SYTL3: variants seen among roughly 807,000 people sequenced by gnomAD.
SYTL3 encodes the protein synaptotagmin-like protein 3.
In SYTL3, 88 loss-of-function variants were observed where a neutral mutation model predicts 82.1. The observed-to-expected ratio is 1.07, with a 90% CI of 0.90 to 1.28. The LOEUF (loss-of-function observed/expected upper bound fraction) is 1.28, where lower values mean the gene tolerates loss of function less well. Ranked by LOEUF, SYTL3 falls within the 50% of genes most tolerant of loss-of-function variation. SYTL3 has a pLI of 0.00. For synonymous variants in SYTL3, 311 were observed against 289.4 expected (o/e 1.07, Z -0.76); for missense variants, 831 against 757.6 (o/e 1.10, Z -1.14).
intron 9 of SYTL3, 58 bp from the exon 10 acceptor site, chr6:158,718,029 C>T (rs1338139697): frequency 1.4e-6 from 2 of 1,442,580 alleles, no homozygotes; most frequent in Non-Finnish European, 1.8e-6. Flanking sequence ...AAGAGGCTCC[C>T]ACAAGTCTCA....
At chr6:158,710,018 G>C (rs1228703230) in intron 8 of SYTL3, among the ~76,000 whole-genome samples, 1 of 152,196 alleles carries the variant, frequency 6.6e-6, no homozygotes, top group Non-Finnish European at 1.5e-5. Context: ...CTGGGCAACA[G>C]AGCGCGACTG....
intron 6 of SYTL3, among the ~76,000 whole-genome samples, chr6:158,704,033 G>T (rs1390243029): frequency 6.6e-6 from 1 of 151,566 alleles, no homozygotes; most frequent in Non-Finnish European, 1.5e-5. Context: ...CATCATGTTG[G>T]CCAGGCTAGT....
chr6:158,712,474 C>A (rs1331333279), intron 8 of SYTL3, among the ~76,000 whole-genome samples: 1 of 152,166 alleles, frequency 6.6e-6, no homozygotes, highest in African/African-American at 2.4e-5. Flanking sequence ...TACCCATAGG[C>A]TCTCCTTAAG....
chr6:158,734,663 C>T lies in SYTL3; in HGVS notation c.855+9026C>T, dbSNP rs1031771598. Reference sequence around the variant, plus strand: ...CCCTGCCCCACTCCCCCCACCTGCTCTATGTTAATCCATGTCCTCACCACC... The same window carrying T: ...CCCTGCCCCACTCCCCCCACCTGCTTTATGTTAATCCATGTCCTCACCACC... On this transcript the variant is annotated intron_variant, in intron 11 of 17. Transcript: ENST00000611299. 1.3e-5 allele frequency among the ~76,000 whole-genome samples: 2 copies of T among 152,098 alleles called. 1 individual carries two copies. Among genetic ancestry groups the T allele is most frequent in the African/African-American group, 4.8e-5 (2 of 41,422 alleles).
intron 5 of SYTL3, among the ~76,000 whole-genome samples, 154 bp downstream of exon 5, chr6:158,665,767 A>T (rs1252771834): frequency 6.6e-6 from 1 of 152,158 alleles, no homozygotes; most frequent in African/African-American, 2.4e-5. Context: ...TAGCCTTGGA[A>T]GTTATCTTCA....
At chr6:158,751,812 C>T in intron 12 of SYTL3, 116 bp from the exon 13 acceptor site, 2 of 744,690 alleles carry the variant, frequency 2.7e-6, no homozygotes, top group Non-Finnish European at 4.2e-6. Context: ...CCCAAAAATT[C>T]CAGCAGGAAG....
chr6:158,664,975 T>C (rs1360557884), intron 4 of SYTL3, among the ~76,000 whole-genome samples: 1 of 152,200 alleles, frequency 6.6e-6, no homozygotes, highest in African/African-American at 2.4e-5. Context: ...TAGCAGGATG[T>C]ATGCTGTGTG....
rs1399875349 is a variant in SYTL3, at chr6:158,743,593, C to T, written c.856-1887C>T. 2.2e-5 allele frequency among the ~76,000 whole-genome samples: 3 copies of T among 138,576 alleles called. No individual in the cohort carries two copies. In the Admixed American group the frequency reaches 2.2e-4, roughly 10 times the overall value. 90.9% of individuals were successfully genotyped at this position (138,576 alleles called of 152,430 possible). On this transcript the variant is annotated intron_variant, in intron 11 of 17. Transcript: ENST00000611299. ...CACTCACTCATGCTGGTGCACCAGT[C>T]CAAGCTTTTTTTTTTTTTTTTTTTT...
chr6:158,735,024 G>T lies in SYTL3; in HGVS notation c.855+9387G>T, dbSNP rs76276507. On this transcript the variant is annotated intron_variant, in intron 11 of 17. Coordinates refer to ENST00000611299, the MANE Select transcript of SYTL3 (RefSeq NM_001242394.2). Reference sequence around the variant, plus strand: ...ACCAGGGGCCTGGGGAGTCCATACCGGGGAGTCCAGGCTTTTCACACTATC... The same window carrying T: ...ACCAGGGGCCTGGGGAGTCCATACCTGGGAGTCCAGGCTTTTCACACTATC... 5.7e-3 allele frequency among the ~76,000 whole-genome samples: 865 copies of T among 152,170 alleles called. 39 individuals carry two copies. The East Asian group carries it at 0.11, about 20-fold the overall frequency.
chr6:158,752,875 C>G (rs1267207555), intron 13 of SYTL3, among the ~76,000 whole-genome samples: 2 of 152,128 alleles, frequency 1.3e-5, no homozygotes, highest in Non-Finnish European at 2.9e-5. Context: ...AATAATAGCC[C>G]TTGTTTCCTG....
chr6:158,675,113 T>A (rs902693288), intron 5 of SYTL3, among the ~76,000 whole-genome samples: 1 of 152,198 alleles, frequency 6.6e-6, no homozygotes, highest in African/African-American at 2.4e-5. Context: ...TGCACACTGC[T>A]ACAAGGCTAC....
intron 12 of SYTL3, among the ~76,000 whole-genome samples, chr6:158,747,938 T>G (rs1336042015): frequency 6.6e-6 from 1 of 152,198 alleles, no homozygotes; most frequent in Non-Finnish European, 1.5e-5. Flanking sequence ...CTAACTTGTT[T>G]ATTATGACTT....
intron 11 of SYTL3, among the ~76,000 whole-genome samples, chr6:158,736,284 G>A (rs1039682563): frequency 5.3e-5 from 8 of 152,220 alleles, no homozygotes; most frequent in Non-Finnish European, 1.0e-4. Flanking sequence ...CCGGGAGGCA[G>A]AGTTTGCAGT....
intron 11 of SYTL3, among the ~76,000 whole-genome samples, chr6:158,742,425 C>G (rs1022039261): frequency 2.0e-5 from 3 of 152,132 alleles, no homozygotes; most frequent in African/African-American, 2.4e-5. Context: ...GAAGACAGGT[C>G]CATTTCCAGA....
chr6:158,731,815 G>T (rs988318022), intron 11 of SYTL3, among the ~76,000 whole-genome samples: 1 of 152,154 alleles, frequency 6.6e-6, no homozygotes, highest in Non-Finnish European at 1.5e-5. Flanking sequence ...GGATGATCTT[G>T]ATCTCCTGAC....
At position 158,701,904 on chromosome 6, in the gene SYTL3, C is replaced by G. The variant is rs183650202; in HGVS notation, c.395-5326C>G. On this transcript the variant is annotated intron_variant, in intron 6 of 17. Transcript: ENST00000611299. The stretch of plus-strand genomic sequence containing the variant: ...CTCAGCAATTACCCCAGTCTCTGCC[C>G]TGATGGTCACGGGGCTGTCTCCACA... Among the ~76,000 whole-genome samples, 267 of 152,112 alleles carry G rather than the reference C, an allele frequency of 1.8e-3. 1 individual carries two copies. Among genetic ancestry groups the G allele is most frequent in the African/African-American group, 6.0e-3 (247 of 41,456 alleles).
At chr6:158,665,644 A>G (rs1789958950) in intron 5 of SYTL3, 31 bp downstream of exon 5, 3 of 1,496,988 alleles carry the variant, frequency 2.0e-6, no homozygotes, top group East Asian at 4.9e-5. Flanking sequence ...GATCCCTCCC[A>G]CTGATTCAGG....
intron 5 of SYTL3, among the ~76,000 whole-genome samples, chr6:158,682,517 G>T (rs1337307193): frequency 1.3e-5 from 2 of 151,886 alleles, no homozygotes; most frequent in Admixed American, 1.3e-4. Context: ...CCGCCACCAT[G>T]CCTGGCTAAT....
At chr6:158,691,381 C>T (rs200989073) in intron 6 of SYTL3, among the ~76,000 whole-genome samples, 2 of 151,776 alleles carry the variant, frequency 1.3e-5, no homozygotes, top group East Asian at 3.9e-4. Flanking sequence ...TAACAGTTCC[C>T]CAAGTAACTT....
Sources: allele counts gnomAD v4.1 joint callset (sites outside exome capture counted in the v4.1 genomes callset), GRCh38; gene constraint gnomAD v4.1.1; transcripts MANE v1.5; gene names NCBI Gene and HGNC (gene_info 2026-07-23, HGNC 2026-07-21).